Variants in ZCCHC10 observed in about 807,000 individuals in gnomAD.
The protein encoded by ZCCHC10 is zinc finger CCHC-type containing 10.
ZCCHC10 carries 16 observed loss-of-function variants against 19.5 expected under a neutral mutation model. The observed-to-expected ratio is 0.82, with a 90% confidence interval of 0.56 to 1.25. ZCCHC10 has a LOEUF of 1.25. Ranked by LOEUF, ZCCHC10 falls within the 50% of genes most tolerant of loss-of-function variation. The pLI is 0.00. For synonymous variants in ZCCHC10, 67 were observed against 72.5 expected (o/e 0.92, Z 0.38); for missense variants, 197 against 201.0 (o/e 0.98, Z 0.12).
intron 2 of ZCCHC10, among the ~76,000 whole-genome samples, chr5:133,010,015 G>T (rs1473184672): frequency 1.3e-5 from 2 of 151,046 alleles, no homozygotes; most frequent in African/African-American, 4.9e-5. Flanking sequence ...TTAGAATTAA[G>T]TGAGTTTAGC....
intron 3 of ZCCHC10, among the ~76,000 whole-genome samples, chr5:133,002,805 T>C (rs558495839): frequency 1.3e-5 from 2 of 152,084 alleles, no homozygotes; most frequent in Admixed American, 6.6e-5. Context: ...CTTCAACCTC[T>C]GCCTCCTGGG....
At chr5:133,022,359 T>C (rs11749039) in intron 2 of ZCCHC10, among the ~76,000 whole-genome samples, 47,074 of 152,060 alleles carry the variant, frequency 0.31, 8,200 homozygotes, top group African/African-American at 0.48. Flanking sequence ...TATAATCTTA[T>C]GGGACAACCA....
intron 2 of ZCCHC10, chr5:133,019,199 T>C (rs1244579927): frequency 8.6e-6 from 3 of 347,552 alleles, no homozygotes; most frequent in South Asian, 6.1e-5. Context: ...TGGGCAACAC[T>C]GTCTCTAAAA....
In ZCCHC10 at chr5:132,998,773, G is replaced by A; in HGVS notation, c.389C>T (p.Thr130Ile). ...ASDSSSESEE[T>I]STSSSSEDSD... ...GTCCTCTGAGGAGGAAGAGGTAGAT[G>A]TTTCTTCACTCTCTGATGAAGAATC... Residue 130 changes from threonine to isoleucine, a missense_variant, in exon 5 of 5, where the codon ACA (threonine) becomes ATA (isoleucine). Coordinates refer to ENST00000509437, the MANE Select transcript of ZCCHC10 (RefSeq NM_001300816.3). 3.7e-6 allele frequency: 6 copies of A among 1,614,090 alleles called. No individual in the cohort carries two copies. The highest frequency in any genetic ancestry group is 3.4e-6 in the Non-Finnish European group (4 of 1,180,022).
chr5:133,012,099 T>C (rs1372435628), intron 2 of ZCCHC10, among the ~76,000 whole-genome samples: 3 of 126,832 alleles, frequency 2.4e-5, no homozygotes, highest in African/African-American at 9.2e-5. Flanking sequence ...ATCATGCCAC[T>C]GCACCCTAGC....
At chr5:133,025,641 G>C (rs1561563310) in intron 1 of ZCCHC10, among the ~76,000 whole-genome samples, 1 of 150,874 alleles carries the variant, frequency 6.6e-6, no homozygotes, top group African/African-American at 2.4e-5. Flanking sequence ...TCTGTAAAAA[G>C]TAAGTTTCAG....
Position 132,998,710 on chromosome 5 carries a change from G to A in ZCCHC10, c.452C>T (p.Ser151Leu), listed in dbSNP as rs1188525960. ...TDESSSSSSSSASSTTSSSSS... is the reference protein window; with the variant it reads ...TDESSSSSSSLASSTTSSSSS... ...GGAGGAAGAGGTTGTGGAGGAGGCT[G>A]AGGATGAGGAACTAGAGGAGCTTTC... The change falls in exon 5 of 5, where the codon TCA (serine) becomes TTA (leucine). Residue 151 changes from serine to leucine, a missense_variant. Coordinates refer to ENST00000509437, the MANE Select transcript of ZCCHC10 (RefSeq NM_001300816.3). The A allele has an allele frequency of 3.1e-6, 5 of 1,614,062 alleles. 1 individual carries two copies. The African/African-American group carries it at 4.0e-5, about 13-fold the overall frequency.
chr5:133,023,917 C>T (rs1317484440), intron 1 of ZCCHC10, among the ~76,000 whole-genome samples: 1 of 152,120 alleles, frequency 6.6e-6, no homozygotes, highest in Non-Finnish European at 1.5e-5. Flanking sequence ...AGTAAAGGCT[C>T]CTCTCCTGCT....
chr5:133,020,725 ATTT>A (rs1034342401), intron 2 of ZCCHC10, among the ~76,000 whole-genome samples: 1 of 146,398 alleles, frequency 6.8e-6, no homozygotes, highest in African/African-American at 2.5e-5. Flanking sequence ...GAAACTAAAA[ATTT>A]TTTTTTTTTT....
chr5:133,021,571 G>A (rs1003199234), intron 2 of ZCCHC10, among the ~76,000 whole-genome samples: 1 of 152,084 alleles, frequency 6.6e-6, no homozygotes, highest in Non-Finnish European at 1.5e-5. Flanking sequence ...CTTTTGGTAA[G>A]CTAATTTAAA....
chr5:133,004,219 G>T, intron 3 of ZCCHC10, among the ~76,000 whole-genome samples: 1 of 149,492 alleles, frequency 6.7e-6, no homozygotes, highest in Admixed American at 6.7e-5. Flanking sequence ...TCGTTGCCTA[G>T]GCTGAAGTGC....
At chr5:133,008,491 T>C (rs1175655864) in intron 2 of ZCCHC10, among the ~76,000 whole-genome samples, 1 of 147,254 alleles carries the variant, frequency 6.8e-6, no homozygotes, top group African/African-American at 2.6e-5. Flanking sequence ...TGAGCCGAGA[T>C]TGCGCCATCG....
intron 2 of ZCCHC10, among the ~76,000 whole-genome samples, chr5:133,016,920 T>C (rs1362271295): frequency 6.9e-6 from 1 of 143,924 alleles, no homozygotes; most frequent in Non-Finnish European, 1.5e-5. Flanking sequence ...CACCCACGAC[T>C]CCCATTGCCA....
intron 2 of ZCCHC10, among the ~76,000 whole-genome samples, chr5:133,018,516 C>G (rs1303717632): frequency 6.6e-6 from 1 of 152,072 alleles, no homozygotes; most frequent in African/African-American, 2.4e-5. Flanking sequence ...TCTCGTGCCT[C>G]AGCCTCCCAA....
rs1762556344 is a variant in ZCCHC10 at position 132,998,484 on chromosome 5, T to C, written c.*99A>G. On this transcript the variant is annotated 3_prime_UTR_variant, in exon 5 of 5. Coordinates refer to ENST00000509437, the MANE Select transcript of ZCCHC10 (RefSeq NM_001300816.3). ...TAGAAACTTTTGAATTCTAGAAATG[T>C]TCACCAGTTAACCTACTTGGCCTTA... 9.7e-7 allele frequency: 1 copy of C among 1,029,224 alleles called. No individual in the cohort carries two copies. Among genetic ancestry groups the C allele is most frequent in the Non-Finnish European group, 1.4e-6 (1 of 715,152 alleles). 63.8% of individuals were successfully genotyped at this position (1,029,224 alleles called of 1,614,324 possible).
intron 3 of ZCCHC10, among the ~76,000 whole-genome samples, chr5:133,004,778 C>T (rs188950474): frequency 1.3e-5 from 2 of 152,150 alleles, no homozygotes; most frequent in African/African-American, 4.8e-5. Flanking sequence ...GTGTAAGCCA[C>T]CGTGCCCGGC....
chr5:133,023,820 T>TA (rs1157961518), intron 1 of ZCCHC10, among the ~76,000 whole-genome samples: 1 of 152,172 alleles, frequency 6.6e-6, no homozygotes, highest in Admixed American at 6.6e-5. Context: ...ATTACTAACT[T>TA]AAAAACTATT....
chr5:132,998,917 A>C, intron 4 of ZCCHC10, 67 bp from the exon 5 acceptor site: 1 of 1,441,356 alleles, frequency 6.9e-7, no homozygotes, highest in Non-Finnish European at 9.3e-7. Context: ...AAGCAATTTC[A>C]TTTTTTTTTT....
chr5:133,000,126 A>C lies in ZCCHC10; in HGVS notation c.311+6T>G. 6.2e-7 allele frequency: 1 copy of C among 1,613,712 alleles called. No homozygotes were observed. Among genetic ancestry groups the C allele is most frequent in the East Asian group, 2.2e-5 (1 of 44,860 alleles). ...ATCTATAAAACACTGCTAAAACCAC[A>C]CATACCTTTTTTTCTTGGCCTTTCT... is the stretch of plus-strand genomic sequence containing the variant. On this transcript the variant is annotated splice_donor_region_variant and intron_variant, in intron 4 of 4. Transcript: ENST00000509437.
Sources: allele counts gnomAD v4.1 joint callset (sites outside exome capture counted in the v4.1 genomes callset), GRCh38; gene constraint gnomAD v4.1.1; transcripts MANE v1.5; gene names NCBI Gene and HGNC (gene_info 2026-07-23, HGNC 2026-07-21).